Variants in RAB36 observed in about 807,000 individuals in gnomAD.
The protein encoded by RAB36 is ras-related protein Rab-36.
In RAB36, 33 loss-of-function variants were observed where a neutral mutation model predicts 39.3. That is an observed-to-expected ratio of 0.84 (90% CI 0.64 to 1.12). The LOEUF (loss-of-function observed/expected upper bound fraction) is 1.12, where lower values mean the gene tolerates loss of function less well. Ranked by LOEUF, RAB36 falls within the 50% of genes most tolerant of loss-of-function variation. The pLI, the probability that RAB36 is intolerant of heterozygous loss-of-function variation, is 0.00. For missense variants in RAB36, 308 were observed against 355.3 expected (o/e 0.87, Z 1.07); for synonymous variants, 133 against 140.2 (o/e 0.95, Z 0.36).
In RAB36 at chr22:23,163,081, T is replaced by G. The variant is rs2071901958; in HGVS notation, c.*1517T>G. 2.1e-5 allele frequency: 5 copies of G among 240,052 alleles called. No individual in the cohort carries two copies. The South Asian group carries it at 2.5e-4, about 12-fold the overall frequency. 14.9% of individuals were successfully genotyped at this position (240,052 alleles called of 1,614,324 possible). On this transcript the variant is annotated 3_prime_UTR_variant, in exon 11 of 11. Coordinates refer to ENST00000263116, the MANE Select transcript of RAB36 (RefSeq NM_004914.5). ...CATGCACCACCATGCCTGGCTAATT[T>G]TGTATTTTTAGTAGAGATGGGGTTT...
chr22:23,165,295 C>G lies in RAB36; in HGVS notation c.*3731C>G, dbSNP rs2072021104. On this transcript the variant is annotated 3_prime_UTR_variant, in exon 11 of 11. Coordinates refer to ENST00000263116, the MANE Select transcript of RAB36 (RefSeq NM_004914.5). ...CAGATGCCACCACACGAAACTTACA[C>G]CTGCCTGGGGAACAATCCTGTGCTT... Among the ~76,000 whole-genome samples, 1 of 152,230 alleles carries G rather than the reference C, an allele frequency of 6.6e-6. No individual in the cohort carries two copies. Among genetic ancestry groups the G allele is most frequent in the Admixed American group, 6.5e-5 (1 of 15,284 alleles).
chr22:23,148,764 C>G (rs914011089), intron 2 of RAB36, among the ~76,000 whole-genome samples: 7 of 152,232 alleles, frequency 4.6e-5, no homozygotes, highest in Admixed American at 6.5e-5. Context: ...CCTTCATTAT[C>G]ACAGTCTTCC....
intron 5 of RAB36, among the ~76,000 whole-genome samples, chr22:23,155,296 G>T (rs1367555212): frequency 6.6e-6 from 1 of 152,158 alleles, no homozygotes; most frequent in African/African-American, 2.4e-5. Flanking sequence ...CTAAGCCAGG[G>T]CAGGTAGATC....
chr22:23,153,614 G>T (rs144097568), intron 5 of RAB36: 3 of 984,842 alleles, frequency 3.0e-6, no homozygotes, highest in Admixed American at 6.2e-5. Flanking sequence ...TCCTTCCTCA[G>T]GTCTGAGGCA....
At position 23,158,886 on chromosome 22, in the gene RAB36, C is replaced by T. The variant is rs2071615162; in HGVS notation, c.447-12C>T. On this transcript the variant is annotated splice_polypyrimidine_tract_variant and intron_variant, in intron 7 of 10. Coordinates refer to ENST00000263116, the MANE Select transcript of RAB36 (RefSeq NM_004914.5). ...ATGGGTGAATCTCTCAGCCTCTCTC[C>T]TTACACTCCAGGCAGTGGTTGGAGG... 6.2e-7 allele frequency: 1 copy of T among 1,613,176 alleles called. No homozygotes were observed. The highest frequency in any genetic ancestry group is 1.3e-5 in the African/African-American group (1 of 74,916).
At chr22:23,146,101 G>GCCTGCCC in intron 1 of RAB36, 2 of 832,532 alleles carry the variant, frequency 2.4e-6, no homozygotes, top group Non-Finnish European at 2.9e-6. Context: ...TGACTCCCAG[G>GCCTGCCC]CAGGGTGGGG....
chr22:23,150,910 A>C (rs1490567576), intron 3 of RAB36, among the ~76,000 whole-genome samples: 1 of 152,066 alleles, frequency 6.6e-6, no homozygotes, highest in East Asian at 1.9e-4. Context: ...TGGATTCCTC[A>C]CTAGACCTAG....
At chr22:23,150,318 T>C (rs75785286) in intron 3 of RAB36, among the ~76,000 whole-genome samples, 164 bp downstream of exon 3, 1 of 150,336 alleles carries the variant, frequency 6.7e-6, no homozygotes, top group Non-Finnish European at 1.5e-5. Context: ...TTTTTTTTTT[T>C]TGAGACAGAG....
chr22:23,159,326 G>A, intron 9 of RAB36, 73 bp downstream of exon 9: 6 of 1,386,206 alleles, frequency 4.3e-6, no homozygotes, highest in Non-Finnish European at 5.9e-6. Context: ...GGCCTGCCAT[G>A]CAGTGTTTCC....
In RAB36 at chr22:23,145,491, C is replaced by G. The variant is rs768720203; in HGVS notation, c.-73C>G. The G allele has an allele frequency of 1.2e-5, 20 of 1,608,064 alleles. No individual in the cohort carries two copies. Among genetic ancestry groups the G allele is most frequent in the Non-Finnish European group, 1.6e-5 (19 of 1,179,776 alleles). On this transcript the variant is annotated 5_prime_UTR_variant, in exon 1 of 11. In the 5' UTR this introduces an upstream ATG that the reference lacks. Transcript: ENST00000263116. The stretch of plus-strand genomic sequence containing the variant: ...GCGTGGCTCTCGTTGCCATGGTGAT[C>G]GCCGCCGCTGGCTCAGGCGGACCAG...
chr22:23,156,095 C>A, intron 6 of RAB36, 63 bp downstream of exon 6: 2 of 1,455,518 alleles, frequency 1.4e-6, no homozygotes, highest in Non-Finnish European at 1.9e-6. Context: ...CCGGGCTCCA[C>A]AGTGGGAATC....
In RAB36 at chr22:23,157,921, C is replaced by T. The variant is rs2071551073; in HGVS notation, c.395-71C>T. On this transcript the variant is annotated intron_variant, in intron 6 of 10. Coordinates refer to ENST00000263116, the MANE Select transcript of RAB36 (RefSeq NM_004914.5). ...CCCTGGCAGTTCCTTGGGAGCTGGG[C>T]ACCTCCTGGGGAGCCCCCTTGCTCG... The T allele has an allele frequency of 8.7e-6, 14 of 1,603,458 alleles. No homozygotes were observed. In the Admixed American group the frequency reaches 2.4e-4, roughly 27 times the overall value.
In RAB36 at chr22:23,162,741, C is replaced by T. The variant is rs2071879249; in HGVS notation, c.*1177C>T. 4.4e-6 allele frequency: 2 copies of T among 456,156 alleles called. No individual in the cohort carries two copies. Among genetic ancestry groups the T allele is most frequent in the African/African-American group, 4.0e-5 (2 of 50,052 alleles). 28.3% of individuals were successfully genotyped at this position (456,156 alleles called of 1,614,324 possible). On this transcript the variant is annotated 3_prime_UTR_variant, in exon 11 of 11. Coordinates refer to ENST00000263116, the MANE Select transcript of RAB36 (RefSeq NM_004914.5). ...GCTGTTGCTTCCCGTAGATGGCGAG[C>T]ACCTTGCAGGCAGCCTTCTGATCAG...
intron 9 of RAB36, among the ~76,000 whole-genome samples, chr22:23,159,742 CA>C (rs893000635): frequency 6.6e-6 from 1 of 152,210 alleles, no homozygotes; most frequent in Non-Finnish European, 1.5e-5. Flanking sequence ...GGCCCAGTGA[CA>C]GGGGCTCCCA....
intron 3 of RAB36, 47 bp from the exon 4 acceptor site, chr22:23,152,414 C>T (rs776299724): frequency 6.3e-7 from 1 of 1,597,978 alleles, no homozygotes; most frequent in Non-Finnish European, 8.6e-7. Flanking sequence ...TGTCTGAAGA[C>T]ACCCTGGAAG....
chr22:23,146,735 A>G (rs773887806), intron 2 of RAB36, 50 bp downstream of exon 2: 1 of 1,603,342 alleles, frequency 6.2e-7, no homozygotes, highest in Admixed American at 1.7e-5. Flanking sequence ...CAGCCACATC[A>G]GCTCTCCCCA....
rs2072023452 is a variant in RAB36 at position 23,165,367 on chromosome 22, C to G, written c.*3803C>G. Among the ~76,000 whole-genome samples the G allele has an allele frequency of 6.6e-6, 1 of 152,238 alleles. No individual in the cohort carries two copies. The highest frequency in any genetic ancestry group is 2.1e-4 in the South Asian group (1 of 4,836). On this transcript the variant is annotated 3_prime_UTR_variant, in exon 11 of 11. Coordinates refer to ENST00000263116, the MANE Select transcript of RAB36 (RefSeq NM_004914.5). ...ACAGTTGTGCCTCATCCCTCACTTG[C>G]AAACCCCAGTCCTGTCTGACCCAGA...
chr22:23,150,812 C>T (rs1408517574), intron 3 of RAB36, among the ~76,000 whole-genome samples: 1 of 152,134 alleles, frequency 6.6e-6, no homozygotes, highest in Admixed American at 6.5e-5. Flanking sequence ...CTTCTCTGAC[C>T]CCCCACTACC....
At chr22:23,150,931 C>T (rs1039752953) in intron 3 of RAB36, among the ~76,000 whole-genome samples, 17 of 152,292 alleles carry the variant, frequency 1.1e-4, no homozygotes, top group African/African-American at 2.9e-4. Context: ...CCCAAGAGGG[C>T]GAGGGCTGTG....
Sources: gnomAD v4.1 joint callset for allele counts (sites outside exome capture counted in the v4.1 genomes callset) on GRCh38, gnomAD v4.1.1 for gene constraint, MANE v1.5 for transcripts, NCBI Gene and HGNC (gene_info 2026-07-23, HGNC 2026-07-21) for gene names.